The following RAB18 variants were observed in gnomAD, a reference collection of about 807,000 sequenced individuals.
RAB18 encodes the protein RAB18, member RAS oncogene family, also known as ras-related protein Rab-18.
In RAB18, 10 loss-of-function variants were observed where a neutral mutation model predicts 28.5. That is an observed-to-expected ratio of 0.35 (90% CI 0.22 to 0.60). The LOEUF (loss-of-function observed/expected upper bound fraction) is 0.60. RAB18 is among the 20% of genes least tolerant of loss of function. The pLI is 0.78. For synonymous variants in RAB18, 93 were observed against 86.9 expected (o/e 1.07, Z -0.39); for missense variants, 188 against 244.2 (o/e 0.77, Z 1.53).
rs1412056692 is a variant in RAB18 at position 27,542,040 on chromosome 10, A to G, written c.*3989A>G. The stretch of plus-strand genomic sequence containing the variant: ...CAATTGAAGACATCTTGTTGGAGAT[A>G]GTGTGCTGGGAGGAGTCACATTCTG... On this transcript the variant is annotated 3_prime_UTR_variant, in exon 7 of 7. Transcript: ENST00000356940. The G allele has an allele frequency of 2.0e-5, 9 of 453,960 alleles. No individual in the cohort carries two copies. Among genetic ancestry groups the G allele is most frequent in the Non-Finnish European group, 3.5e-5 (8 of 226,792 alleles). 28.1% of individuals were successfully genotyped at this position (453,960 alleles called of 1,614,324 possible). A position where few individuals can be genotyped will look rare whatever the true frequency, so the allele number is the denominator to read the frequency against.
chr10:27,524,730 T>G lies in RAB18; in HGVS notation c.125-2098T>G, dbSNP rs150152949. ...TAAGAAACTGGCAAAATCAAATCTC[T>G]CAAAAAGACTCCCACTGCTGCTACC... On this transcript the variant is annotated intron_variant, in intron 2 of 6. Transcript: ENST00000356940. Among the ~76,000 whole-genome samples, 459 of 152,274 alleles carry G rather than the reference T, an allele frequency of 3.0e-3. 2 individuals are homozygous for G. Among genetic ancestry groups the G allele is most frequent in the African/African-American group, 0.011 (443 of 41,554 alleles).
chr10:27,533,740 G>T lies in RAB18; in HGVS notation c.265G>T (p.Asp89Tyr). 1 of 1,612,962 alleles carries T rather than the reference G, an allele frequency of 6.2e-7. No homozygotes were observed. Among genetic ancestry groups the T allele is most frequent in the Non-Finnish European group, 8.5e-7 (1 of 1,179,484 alleles). The change falls in exon 5 of 7, where the codon GAT (aspartate) becomes TAT (tyrosine). Residue 89 changes from aspartate to tyrosine, a missense_variant. By Grantham distance (160) the Asp-to-Tyr change is radical (BLOSUM62 -3). Coordinates refer to ENST00000356940, the MANE Select transcript of RAB18 (RefSeq NM_021252.5). Reference protein sequence around the residue: ...RGAQGVILVYDVTRRDTFVKL... With the variant: ...RGAQGVILVYYVTRRDTFVKL... ...AATGACTCCTTTTATTTCAGTTTAT[G>T]ATGTCACAAGAAGAGATACATTTGT...
chr10:27,509,814 A>C, intron 1 of RAB18, 61 bp from the exon 2 acceptor site: 2 of 1,310,738 alleles, frequency 1.5e-6, no homozygotes, highest in Middle Eastern at 3.8e-4. Context: ...AATCATGAAC[A>C]CATTTATCAT....
intron 2 of RAB18, among the ~76,000 whole-genome samples, chr10:27,510,678 C>T (rs1052912702): frequency 6.6e-6 from 1 of 152,196 alleles, no homozygotes; most frequent in Non-Finnish European, 1.5e-5. Context: ...GATGAAGTCA[C>T]TTAACTTACT....
chr10:27,529,825 A>C (rs1252854375), intron 3 of RAB18, among the ~76,000 whole-genome samples: 1 of 152,016 alleles, frequency 6.6e-6, no homozygotes, highest in Non-Finnish European at 1.5e-5. Context: ...ATGCTATTGC[A>C]CATGGTTCCC....
At chr10:27,523,489 G>T (rs10829268) in intron 2 of RAB18, among the ~76,000 whole-genome samples, 1 of 151,292 alleles carries the variant, frequency 6.6e-6, no homozygotes. Context: ...TTTTCTTTCT[G>T]CTTCCTTTTG....
chr10:27,504,547 C>T (rs1416694968), intron 1 of RAB18, 110 bp downstream of exon 1: 7 of 1,295,246 alleles, frequency 5.4e-6, no homozygotes, highest in Non-Finnish European at 7.6e-6. Flanking sequence ...CGGGCTCGGG[C>T]CGGCTCCGCT....
chr10:27,538,940 C>A lies in RAB18; in HGVS notation c.*889C>A, dbSNP rs772263848. On this transcript the variant is annotated 3_prime_UTR_variant, in exon 7 of 7. Coordinates refer to ENST00000356940, the MANE Select transcript of RAB18 (RefSeq NM_021252.5). ...AATGTTGATGAATATCTGTATCTTA[C>A]GGCTTCCATAATGGCTAGTTGATAT... 4.4e-6 allele frequency: 2 copies of A among 452,190 alleles called. No individual in the cohort carries two copies. Among genetic ancestry groups the A allele is most frequent in the South Asian group, 1.6e-5 (1 of 64,382 alleles). The allele number at this position is 452,190 out of a possible 1,614,324, so 28.0% of individuals were successfully genotyped here.
chr10:27,532,433 C>A, intron 3 of RAB18, 74 bp from the exon 4 acceptor site: 2 of 1,138,636 alleles, frequency 1.8e-6, no homozygotes, highest in Non-Finnish European at 2.6e-6. Context: ...TGCTGTTTGA[C>A]TTTCTACTCT....
At chr10:27,507,593 C>T (rs1417649891) in intron 1 of RAB18, among the ~76,000 whole-genome samples, 1 of 147,004 alleles carries the variant, frequency 6.8e-6, no homozygotes, top group East Asian at 2.0e-4. Flanking sequence ...TTAAAAAATG[C>T]AGATTAGTTA....
rs1290195894 is a variant in RAB18 at position 27,540,000 on chromosome 10, C to G, written c.*1949C>G. On this transcript the variant is annotated 3_prime_UTR_variant, in exon 7 of 7. Coordinates refer to ENST00000356940, the MANE Select transcript of RAB18 (RefSeq NM_021252.5). Reference sequence around the variant, plus strand: ...AACAGTTGTAATATCTAAGGTCAGGCACCTAGTAACAGGGTTTTGTTAATT... The same window carrying G: ...AACAGTTGTAATATCTAAGGTCAGGGACCTAGTAACAGGGTTTTGTTAATT... The G allele has an allele frequency of 2.2e-6, 1 of 453,946 alleles. No homozygotes were observed. The highest frequency in any genetic ancestry group is 1.6e-5 in the South Asian group (1 of 64,472). The allele number at this position is 453,946 out of a possible 1,614,324, so 28.1% of individuals were successfully genotyped here.
intron 6 of RAB18, among the ~76,000 whole-genome samples, chr10:27,534,901 G>T (rs115055356): frequency 5.3e-5 from 8 of 152,160 alleles, no homozygotes; most frequent in Non-Finnish European, 1.0e-4. Context: ...TTTACTTGCT[G>T]TATGTCCCTC....
intron 2 of RAB18, among the ~76,000 whole-genome samples, chr10:27,518,249 T>C (rs889856269): frequency 6.6e-6 from 1 of 152,204 alleles, no homozygotes; most frequent in African/African-American, 2.4e-5. Context: ...TTAGAATACA[T>C]ACCCAGTAAT....
intron 2 of RAB18, among the ~76,000 whole-genome samples, chr10:27,512,102 ATGTT>A (rs753289162): frequency 5.3e-5 from 8 of 151,726 alleles, no homozygotes; most frequent in South Asian, 2.1e-4. Flanking sequence ...GGAGGAGCTC[ATGTT>A]TGTTTGTTTC....
In RAB18 at chr10:27,538,257, T is replaced by A. The variant is rs1297624100; in HGVS notation, c.*206T>A. ...CACAGTTTGCAGTCTACAGTTTTTT[T>A]ATGTAGCACAAAATAGGTGTACCTT... is the stretch of plus-strand genomic sequence containing the variant. On this transcript the variant is annotated 3_prime_UTR_variant, in exon 7 of 7. Coordinates refer to ENST00000356940, the MANE Select transcript of RAB18 (RefSeq NM_021252.5). 1 of 695,332 alleles carries A rather than the reference T, an allele frequency of 1.4e-6. No individual in the cohort carries two copies. Among genetic ancestry groups the A allele is most frequent in the African/African-American group, 1.8e-5 (1 of 57,082 alleles). The allele number at this position is 695,332 out of a possible 1,614,324, so 43.1% of individuals were successfully genotyped here.
intron 2 of RAB18, among the ~76,000 whole-genome samples, chr10:27,518,572 T>G (rs1285308993): frequency 6.6e-6 from 1 of 152,176 alleles, no homozygotes; most frequent in Non-Finnish European, 1.5e-5. Context: ...TGTATTTTTT[T>G]GCAGTGTCTG....
chr10:27,533,890 T>C (rs367554299), intron 5 of RAB18, 37 bp downstream of exon 5: 2 of 1,608,642 alleles, frequency 1.2e-6, no homozygotes, highest in African/African-American at 2.7e-5. Flanking sequence ...GGTTCTATAT[T>C]TTGGTAGCCT....
In RAB18 at chr10:27,541,359, T is replaced by A. The variant is rs61843364; in HGVS notation, c.*3308T>A. The A allele has an allele frequency of 7.2e-6, 3 of 418,886 alleles. No individual in the cohort carries two copies. The highest frequency in any genetic ancestry group is 1.7e-5 in the South Asian group (1 of 59,606). 25.9% of individuals were successfully genotyped at this position (418,886 alleles called of 1,614,324 possible). ...TCACCCAGGTCTTTTTTTTTTTTTT[T>A]AATTTTTCTCTCCTCAGTTGGGAAC... is the stretch of plus-strand genomic sequence containing the variant. On this transcript the variant is annotated 3_prime_UTR_variant, in exon 7 of 7. Coordinates refer to ENST00000356940, the MANE Select transcript of RAB18 (RefSeq NM_021252.5).
At chr10:27,516,488 A>G (rs1306177135) in intron 2 of RAB18, among the ~76,000 whole-genome samples, 1 of 151,384 alleles carries the variant, frequency 6.6e-6, no homozygotes, top group Non-Finnish European at 1.5e-5. Flanking sequence ...AATTCAGGAG[A>G]TGGAGGTTGC....
Sources: allele counts gnomAD v4.1 joint callset (sites outside exome capture counted in the v4.1 genomes callset), GRCh38; gene constraint gnomAD v4.1.1; transcripts MANE v1.5; gene names NCBI Gene and HGNC (gene_info 2026-07-23, HGNC 2026-07-21).